CCNYL1: variants seen among roughly 807,000 people sequenced by gnomAD.
CCNYL1 encodes the protein cyclin-Y-like protein 1.
Under a neutral mutation model 44.2 loss-of-function variants are expected in CCNYL1, and 16 were observed. The observed-to-expected ratio is 0.36, with a 90% CI of 0.25 to 0.55. CCNYL1 has a LOEUF of 0.55. Ranked by LOEUF, CCNYL1 falls within the 20% of genes least tolerant of loss-of-function variation. The pLI, the probability that CCNYL1 is intolerant of heterozygous loss-of-function variation, is 0.85. For missense variants in CCNYL1, 348 were observed against 451.8 expected, an observed-to-expected ratio of 0.77 and a Z score of 2.08; for synonymous variants, 159 against 163.2, an observed-to-expected ratio of 0.97 and a Z score of 0.20.
intron 3 of CCNYL1, among the ~76,000 whole-genome samples, chr2:207,729,515 C>G (rs1423026590): frequency 6.6e-6 from 1 of 152,078 alleles, no homozygotes; most frequent in African/African-American, 2.4e-5. Flanking sequence ...CTGGCTTTCT[C>G]TAATTGGAAG....
intron 9 of CCNYL1, among the ~76,000 whole-genome samples, chr2:207,753,120 G>A (rs1003032281): frequency 2.6e-5 from 4 of 152,036 alleles, no homozygotes; most frequent in Non-Finnish European, 5.9e-5. Context: ...TCATCAGACC[G>A]CTCATATGTT....
At chr2:207,750,731 G>C in intron 8 of CCNYL1, 1 of 441,892 alleles carries the variant, frequency 2.3e-6, no homozygotes, top group Non-Finnish European at 4.0e-6. Context: ...AAGTGCATCG[G>C]AGGCCGTAAC....
chr2:207,726,904 A>G, intron 3 of CCNYL1, 28 bp downstream of exon 3: 1 of 1,501,192 alleles, frequency 6.7e-7, no homozygotes, highest in Non-Finnish European at 8.9e-7. Context: ...AAGCTAAGAA[A>G]TTAACAGTTG....
At chr2:207,735,773 A>G (rs1289684335) in intron 4 of CCNYL1, among the ~76,000 whole-genome samples, 3 of 152,144 alleles carry the variant, frequency 2.0e-5, no homozygotes, top group Non-Finnish European at 4.4e-5. Context: ...AGGCTGAGAC[A>G]GAATAGCTTG....
chr2:207,753,011 G>A (rs1463344952), intron 9 of CCNYL1, among the ~76,000 whole-genome samples: 1 of 150,950 alleles, frequency 6.6e-6, no homozygotes, highest in East Asian at 1.9e-4. Context: ...CCTGGGCAAC[G>A]AGCGAAACTC....
chr2:207,717,225 T>TAATTCTGAATTA (rs1172025637), intron 1 of CCNYL1, among the ~76,000 whole-genome samples: 1 of 152,198 alleles, frequency 6.6e-6, no homozygotes. Flanking sequence ...CTTGCATCTT[T>TAATTCTGAATTA]AATTCTGAAT....
intron 4 of CCNYL1, among the ~76,000 whole-genome samples, chr2:207,735,649 T>A (rs1204573114): frequency 1.3e-5 from 2 of 152,134 alleles, no homozygotes. Context: ...GTAGATTGCC[T>A]GAGCTCAGGA....
chr2:207,744,026 T>C lies in CCNYL1; in HGVS notation c.639+1684T>C, dbSNP rs111339874. On this transcript the variant is annotated intron_variant, in intron 7 of 9. Coordinates refer to ENST00000295414, the MANE Select transcript of CCNYL1 (RefSeq NM_001330218.2). ...TTATGTTCTAGTGAGGAAGACATTTTTTCAGGTAGTGGTAAGTAGCAAGAA... is the reference window on the plus strand; with the variant it reads ...TTATGTTCTAGTGAGGAAGACATTTCTTCAGGTAGTGGTAAGTAGCAAGAA... 4.5e-4 allele frequency among the ~76,000 whole-genome samples: 69 copies of C among 152,224 alleles called. 1 individual carries two copies. The highest frequency in any genetic ancestry group is 1.6e-3 in the African/African-American group (67 of 41,538).
At chr2:207,722,810 T>G (rs2091650847) in intron 1 of CCNYL1, among the ~76,000 whole-genome samples, 1 of 151,986 alleles carries the variant, frequency 6.6e-6, no homozygotes, top group Non-Finnish European at 1.5e-5. Flanking sequence ...AATACAAAAA[T>G]TAGCCGGGCA....
chr2:207,739,263 C>T (rs1467468502), intron 5 of CCNYL1, among the ~76,000 whole-genome samples: 1 of 152,108 alleles, frequency 6.6e-6, no homozygotes, highest in African/African-American at 2.4e-5. Context: ...GACTGAGTCT[C>T]ACTCTGTTGC....
At chr2:207,722,872 T>C (rs2091651397) in intron 1 of CCNYL1, among the ~76,000 whole-genome samples, 1 of 151,246 alleles carries the variant, frequency 6.6e-6, no homozygotes, top group South Asian at 2.1e-4. Context: ...GGCAGGAGAA[T>C]CACTTGAACC....
intron 7 of CCNYL1, among the ~76,000 whole-genome samples, chr2:207,746,831 C>CTGGG (rs1467403497): frequency 1.3e-5 from 2 of 152,154 alleles, no homozygotes; most frequent in East Asian, 3.9e-4. Context: ...CAAAAATTAG[C>CTGGG]TGGGCATGGT....
intron 3 of CCNYL1, among the ~76,000 whole-genome samples, chr2:207,727,246 C>T (rs1444602678): frequency 6.6e-6 from 1 of 152,140 alleles, no homozygotes; most frequent in Admixed American, 6.6e-5. Context: ...GAAAACTTAG[C>T]TTCCTCACTC....
chr2:207,747,918 C>G (rs2091865549), intron 8 of CCNYL1, among the ~76,000 whole-genome samples: 1 of 152,058 alleles, frequency 6.6e-6, no homozygotes, highest in African/African-American at 2.4e-5. Flanking sequence ...TTCATTCATT[C>G]ATTCATTCAT....
intron 5 of CCNYL1, among the ~76,000 whole-genome samples, chr2:207,739,801 G>A (rs769648078): frequency 1.4e-4 from 21 of 152,200 alleles, no homozygotes; most frequent in Non-Finnish European, 2.1e-4. Context: ...GCAAGAGGCA[G>A]TAAAGAGTAG....
chr2:207,748,532 G>T (rs1220459185), intron 8 of CCNYL1, among the ~76,000 whole-genome samples: 2 of 152,194 alleles, frequency 1.3e-5, no homozygotes, highest in Non-Finnish European at 2.9e-5. Context: ...GGCTCTCAGG[G>T]TGCCCACCAG....
Position 207,718,237 on chromosome 2 carries a change from G to A in CCNYL1, c.220+6121G>A, listed in dbSNP as rs565915605. Among the ~76,000 whole-genome samples, 164 of 152,164 alleles carry A rather than the reference G, an allele frequency of 1.1e-3. 1 individual carries two copies. The Middle Eastern group carries it at 0.02, about 19-fold the overall frequency. On this transcript the variant is annotated intron_variant, in intron 1 of 9. Coordinates refer to ENST00000295414, the MANE Select transcript of CCNYL1 (RefSeq NM_001330218.2). The stretch of plus-strand genomic sequence containing the variant: ...TAATTGTTTAAGAAAAAGATCAGAC[G>A]GTGGCTCATGCCTATAATCCCAGCA...
At chr2:207,727,533 T>G (rs4675703) in intron 3 of CCNYL1, among the ~76,000 whole-genome samples, 149,953 of 151,772 alleles carry the variant, frequency 0.99, 74,093 homozygotes, top group Middle Eastern at 1. Context: ...GTCTTTTTTT[T>G]TGTGTGTGTG....
chr2:207,752,693 A>G (rs1575226717), intron 9 of CCNYL1, among the ~76,000 whole-genome samples: 1 of 152,184 alleles, frequency 6.6e-6, no homozygotes, highest in South Asian at 2.1e-4. Flanking sequence ...TTTCTGTGGT[A>G]CCTTGGTGGT....
Sources: gnomAD v4.1 joint callset for allele counts (sites outside exome capture counted in the v4.1 genomes callset) on GRCh38, gnomAD v4.1.1 for gene constraint, MANE v1.5 for transcripts, NCBI Gene and HGNC (gene_info 2026-07-23, HGNC 2026-07-21) for gene names.